CA8: variants seen among roughly 807,000 people sequenced by gnomAD.
The protein encoded by CA8 is carbonic anhydrase 8 (inactive).
CA8 carries 22 observed loss-of-function variants against 41.4 expected under a neutral mutation model. The observed-to-expected ratio is 0.53, with a 90% CI of 0.38 to 0.76. The LOEUF (loss-of-function observed/expected upper bound fraction) is 0.76, where lower values mean the gene tolerates loss of function less well. Ranked by LOEUF, CA8 falls within the 30% of genes least tolerant of loss-of-function variation. The probability of loss-of-function intolerance (pLI) is 0.00; values close to 1 mark genes in which losing one functional copy is unlikely to be tolerated. For missense variants in CA8, 270 were observed against 352.8 expected (o/e 0.77, Z 1.88); for synonymous variants, 121 against 130.6 (o/e 0.93, Z 0.50).
At chr8:60,235,003 T>C (rs1807782997) in intron 3 of CA8, among the ~76,000 whole-genome samples, 1 of 152,202 alleles carries the variant, frequency 6.6e-6, no homozygotes, top group Non-Finnish European at 1.5e-5. Flanking sequence ...AGTGGTAACC[T>C]AGGTGCGTGG....
intron 3 of CA8, among the ~76,000 whole-genome samples, chr8:60,253,929 G>A (rs924824375): frequency 6.6e-6 from 1 of 152,138 alleles, no homozygotes; most frequent in African/African-American, 2.4e-5. Context: ...AGTAGCCACA[G>A]TAGCTTTTGA....
At chr8:60,250,548 T>A (rs1808406599) in intron 3 of CA8, among the ~76,000 whole-genome samples, 1 of 152,192 alleles carries the variant, frequency 6.6e-6, no homozygotes, top group African/African-American at 2.4e-5. Context: ...GTCAAGGCCA[T>A]CATCCCATTT....
At chr8:60,212,952 C>T (rs549573279) in intron 7 of CA8, among the ~76,000 whole-genome samples, 1 of 152,276 alleles carries the variant, frequency 6.6e-6, no homozygotes, top group South Asian at 2.1e-4. Flanking sequence ...TAACACAATT[C>T]CAAATGGTAC....
chr8:60,251,831 A>T (rs1033337915), intron 3 of CA8, among the ~76,000 whole-genome samples: 1 of 152,204 alleles, frequency 6.6e-6, no homozygotes, highest in Non-Finnish European at 1.5e-5. Flanking sequence ...AATTTTTCCT[A>T]CAAAGAAGGC....
At chr8:60,268,856 C>T (rs1803980861) in intron 2 of CA8, among the ~76,000 whole-genome samples, 1 of 152,064 alleles carries the variant, frequency 6.6e-6, no homozygotes, top group African/African-American at 2.4e-5. Context: ...CATGTCATGA[C>T]AGTCAATACA....
chr8:60,230,460 C>T (rs994872120), intron 4 of CA8, among the ~76,000 whole-genome samples: 2 of 152,186 alleles, frequency 1.3e-5, no homozygotes, highest in Non-Finnish European at 2.9e-5. Context: ...TCTGTCCTTC[C>T]TTCCTTTGGC....
At chr8:60,228,984 C>T (rs1807541457) in intron 4 of CA8, among the ~76,000 whole-genome samples, 2 of 152,196 alleles carry the variant, frequency 1.3e-5, no homozygotes, top group Admixed American at 6.5e-5. Context: ...CACACCCCAG[C>T]TGCTAAAACC....
intron 4 of CA8, among the ~76,000 whole-genome samples, chr8:60,230,379 A>G (rs766423751): frequency 1.3e-5 from 2 of 151,032 alleles, no homozygotes; most frequent in African/African-American, 4.9e-5. Context: ...TTGCTCAGGG[A>G]AAAAAAAATA....
chr8:60,236,068 G>T (rs1430128707), intron 3 of CA8, among the ~76,000 whole-genome samples: 1 of 152,140 alleles, frequency 6.6e-6, no homozygotes, highest in Non-Finnish European at 1.5e-5. Context: ...CCAATTGTTT[G>T]ATCAAACACC....
At chr8:60,218,341 G>T (rs1807099376) in intron 7 of CA8, among the ~76,000 whole-genome samples, 1 of 151,888 alleles carries the variant, frequency 6.6e-6, no homozygotes. Flanking sequence ...GTATCAGCTG[G>T]CCTTTCCTCC....
chr8:60,235,034 C>T (rs115090813), intron 3 of CA8, among the ~76,000 whole-genome samples: 2 of 152,210 alleles, frequency 1.3e-5, no homozygotes, highest in Non-Finnish European at 2.9e-5. Flanking sequence ...CAGCACTCTG[C>T]ACCTGCGCTG....
intron 2 of CA8, among the ~76,000 whole-genome samples, chr8:60,269,887 A>G (rs1239582967): frequency 6.6e-6 from 1 of 152,270 alleles, no homozygotes; most frequent in Non-Finnish European, 1.5e-5. Flanking sequence ...CGGACAAGCC[A>G]ATAACAAGCA....
chr8:60,238,326 G>A (rs924149926), intron 3 of CA8, among the ~76,000 whole-genome samples: 6 of 152,138 alleles, frequency 3.9e-5, no homozygotes, highest in African/African-American at 1.4e-4. Flanking sequence ...ATGAGGAACG[G>A]AAAAAGTAGT....
At chr8:60,228,997 G>A (rs181147674) in intron 4 of CA8, among the ~76,000 whole-genome samples, 1 of 152,224 alleles carries the variant, frequency 6.6e-6, no homozygotes, top group East Asian at 1.9e-4. Context: ...CTAAAACCGT[G>A]CAAGCAGCTG....
intron 3 of CA8, chr8:60,232,722 G>C (rs1047802040): frequency 3.6e-5 from 13 of 358,262 alleles, no homozygotes; most frequent in African/African-American, 2.7e-4. Flanking sequence ...TCCAGGTCTG[G>C]GCACAAACAC....
chr8:60,241,203 T>A (rs559121118), intron 3 of CA8, among the ~76,000 whole-genome samples: 1 of 152,322 alleles, frequency 6.6e-6, no homozygotes, highest in African/African-American at 2.4e-5. Context: ...ACGTTCAAGG[T>A]GTAGACAGAT....
intron 8 of CA8, among the ~76,000 whole-genome samples, chr8:60,197,150 G>T (rs1806303747): frequency 6.6e-6 from 1 of 152,106 alleles, no homozygotes; most frequent in African/African-American, 2.4e-5. Context: ...TCATTTCTAA[G>T]AATTTTTTAA....
chr8:60,263,083 G>A (rs796655381), intron 3 of CA8, among the ~76,000 whole-genome samples: 15 of 152,288 alleles, frequency 9.8e-5, no homozygotes, highest in African/African-American at 3.1e-4. Flanking sequence ...GCTCACGCCT[G>A]TAATCCCAGC....
chr8:60,265,840 A>G (rs748163330), intron 3 of CA8, 85 bp downstream of exon 3: 21 of 1,436,190 alleles, frequency 1.5e-5, no homozygotes, highest in Non-Finnish European at 1.9e-5. Context: ...CTATGCATCT[A>G]CTTTTAAACT....
Sources: allele counts gnomAD v4.1 joint callset (sites outside exome capture counted in the v4.1 genomes callset), GRCh38; gene constraint gnomAD v4.1.1; transcripts MANE v1.5; gene names NCBI Gene and HGNC (gene_info 2026-07-23, HGNC 2026-07-21).